The following FRAS1 variants were observed in gnomAD, a reference collection of about 807,000 sequenced individuals.
FRAS1 encodes the protein Fraser extracellular matrix complex subunit 1, also known as extracellular matrix organizing protein FRAS1.
A neutral mutation model predicts 435.2 loss-of-function variants in FRAS1; 290 were observed. The ratio of observed to expected loss-of-function variants is 0.67; its 90% CI spans 0.61 to 0.73. The LOEUF (loss-of-function observed/expected upper bound fraction) is 0.73. FRAS1 is among the 30% of genes least tolerant of loss of function. The pLI is 0.00. For missense variants in FRAS1, 4,860 were observed against 5,001.5 expected, an observed-to-expected ratio of 0.97 and a Z score of 0.85; for synonymous variants, 1,800 against 1,851.0, an observed-to-expected ratio of 0.97 and a Z score of 0.71.
At position 78,436,406 on chromosome 4, in the gene FRAS1, A is replaced by G. The variant is rs571305913; in HGVS notation, c.5218-2164A>G. On this transcript the variant is annotated intron_variant, in intron 38 of 73. Coordinates refer to ENST00000512123, the MANE Select transcript of FRAS1 (RefSeq NM_025074.7). ...ACTGGATCAACCACTTTGGGAAGGA[A>G]TTTGGCATTGCCACGTGAAGATGAA... 2.6e-5 allele frequency among the ~76,000 whole-genome samples: 4 copies of G among 152,306 alleles called. No homozygotes were observed. The East Asian group carries it at 7.7e-4, about 29-fold the overall frequency.
chr4:78,405,889 A>G (rs1733077445), intron 30 of FRAS1, among the ~76,000 whole-genome samples: 2 of 152,224 alleles, frequency 1.3e-5, no homozygotes, highest in Admixed American at 6.5e-5. Flanking sequence ...AATTGAAGGC[A>G]TAGTCTCCTG....
intron 2 of FRAS1, among the ~76,000 whole-genome samples, chr4:78,114,722 T>G (rs1414080473): frequency 6.6e-6 from 1 of 152,256 alleles, no homozygotes; most frequent in African/African-American, 2.4e-5. Flanking sequence ...CTTAAGGAGA[T>G]TTTGGGCTGA....
chr4:78,318,727 T>C, intron 17 of FRAS1, 83 bp from the exon 18 acceptor site: 1 of 1,365,926 alleles, frequency 7.3e-7, no homozygotes, highest in Non-Finnish European at 9.9e-7. Context: ...GGTGAACTTT[T>C]CTAAGTGGGT....
chr4:78,305,872 A>G (rs1198061850), intron 14 of FRAS1, among the ~76,000 whole-genome samples: 35 of 150,948 alleles, frequency 2.3e-4, no homozygotes, highest in Admixed American at 2.0e-4. Context: ...ATTTAAAGTT[A>G]ATATTGTTAT....
At chr4:78,453,225 G>A (rs958148811) in intron 47 of FRAS1, among the ~76,000 whole-genome samples, 3 of 152,202 alleles carry the variant, frequency 2.0e-5, no homozygotes, top group African/African-American at 7.2e-5. Context: ...TCATCAGGTA[G>A]TGTCTAACAG....
intron 31 of FRAS1, among the ~76,000 whole-genome samples, chr4:78,412,099 A>C (rs1345350319): frequency 6.6e-6 from 1 of 152,220 alleles, no homozygotes; most frequent in Non-Finnish European, 1.5e-5. Flanking sequence ...CTCCTTAAAA[A>C]CGTGTATTTT....
At chr4:78,454,264 G>A (rs1486197960) in intron 47 of FRAS1, among the ~76,000 whole-genome samples, 7 of 152,088 alleles carry the variant, frequency 4.6e-5, no homozygotes, top group Admixed American at 2.6e-4. Flanking sequence ...TGTTCAAGAC[G>A]CAGCAAGGAG....
Position 78,466,449 on chromosome 4 carries a change from A to G in FRAS1, c.7257+14A>G, listed in dbSNP as rs765019736. 7 of 1,590,346 alleles carry G rather than the reference A, an allele frequency of 4.4e-6. No homozygotes were observed. The highest frequency in any genetic ancestry group is 2.2e-5 in the South Asian group (2 of 89,382). On this transcript the variant is annotated intron_variant, in intron 50 of 73. Transcript: ENST00000512123. ...GGGGGAAAAGAGGTGAGGGGTGAGG[A>G]CACTGGAGGAGGTAGCCTAGCACTG...
intron 20 of FRAS1, 56 bp from the exon 21 acceptor site, chr4:78,363,457 G>C: frequency 1.3e-6 from 2 of 1,536,266 alleles, no homozygotes; most frequent in South Asian, 1.3e-5. Flanking sequence ...GTGCAGTGAT[G>C]AGACTTTGTG....
chr4:78,305,213 T>C (rs1728647956), intron 14 of FRAS1, among the ~76,000 whole-genome samples: 1 of 152,074 alleles, frequency 6.6e-6, no homozygotes. Context: ...TTGATTGCAC[T>C]GTGGTCTGAG....
At chr4:78,412,454 A>G (rs1248285716) in intron 31 of FRAS1, among the ~76,000 whole-genome samples, 2 of 152,240 alleles carry the variant, frequency 1.3e-5, no homozygotes, top group African/African-American at 2.4e-5. Flanking sequence ...TTGCCCTGCA[A>G]TGATGAGGCT....
intron 38 of FRAS1, among the ~76,000 whole-genome samples, chr4:78,435,176 G>T (rs1398524332): frequency 1.3e-5 from 2 of 152,072 alleles, no homozygotes; most frequent in African/African-American, 4.8e-5. Context: ...GATTGCTTGA[G>T]CCCAGGAGGT....
intron 9 of FRAS1, among the ~76,000 whole-genome samples, chr4:78,277,548 G>C (rs1299978560): frequency 2.6e-5 from 4 of 151,954 alleles, no homozygotes; most frequent in Non-Finnish European, 5.9e-5. Flanking sequence ...TTATATGTTA[G>C]TATAGAATAC....
At chr4:78,308,609 G>A (rs755654060) in intron 15 of FRAS1, among the ~76,000 whole-genome samples, 15 of 152,222 alleles carry the variant, frequency 9.9e-5, no homozygotes, top group Non-Finnish European at 1.8e-4. Flanking sequence ...GGCCAGCTGA[G>A]GGCAGACCCG....
chr4:78,382,623 C>G (rs1732063613), intron 27 of FRAS1, among the ~76,000 whole-genome samples: 3 of 152,050 alleles, frequency 2.0e-5, no homozygotes, highest in African/African-American at 7.2e-5. Context: ...GAAGGGAAGA[C>G]AAGAATCATT....
At chr4:78,071,150 A>T (rs13106612) in intron 2 of FRAS1, 1 of 152,186 alleles carries the variant, frequency 6.6e-6, no homozygotes, top group African/African-American at 2.4e-5. Flanking sequence ...ATAATTTAAA[A>T]ATGTGGAATG....
At chr4:78,465,204 T>G (rs1436142051) in intron 49 of FRAS1, among the ~76,000 whole-genome samples, 1 of 152,258 alleles carries the variant, frequency 6.6e-6, no homozygotes, top group Non-Finnish European at 1.5e-5. Flanking sequence ...GATTGATTCT[T>G]TCATCAAATA....
At chr4:78,208,570 T>C (rs1723363568) in intron 2 of FRAS1, among the ~76,000 whole-genome samples, 8 of 152,018 alleles carry the variant, frequency 5.3e-5, no homozygotes. Context: ...TTCAGTGAAA[T>C]AGCATAAATA....
intron 2 of FRAS1, among the ~76,000 whole-genome samples, chr4:78,121,173 C>T (rs1718997096): frequency 6.6e-6 from 1 of 152,158 alleles, no homozygotes; most frequent in African/African-American, 2.4e-5. Flanking sequence ...TATGACCTTT[C>T]TCCTTGAAGC....
Sources: allele counts gnomAD v4.1 joint callset (sites outside exome capture counted in the v4.1 genomes callset), GRCh38; gene constraint gnomAD v4.1.1; transcripts MANE v1.5; gene names NCBI Gene and HGNC (gene_info 2026-07-23, HGNC 2026-07-21).